Variants in SNX6 observed in about 807,000 individuals in gnomAD.
SNX6 encodes sorting nexin-6.
In SNX6, 34 loss-of-function variants were observed where a neutral mutation model predicts 63.0. The observed-to-expected ratio is 0.54, with a 90% confidence interval of 0.41 to 0.72. The LOEUF (loss-of-function observed/expected upper bound fraction) is 0.72, where lower values mean the gene tolerates loss of function less well. SNX6 is among the 30% of genes least tolerant of loss of function. SNX6 has a pLI of 0.00. For synonymous variants in SNX6, 170 were observed against 164.2 expected (o/e 1.04, Z -0.27); for missense variants, 398 against 471.4 (o/e 0.84, Z 1.44).
rs1418557180 is a variant in SNX6 at position 34,627,427 on chromosome 14, CT to C, written c.54+2479del. 3.2e-3 allele frequency among the ~76,000 whole-genome samples: 480 copies of C among 151,478 alleles called. 2 individuals carry two copies. The highest frequency in any genetic ancestry group is 0.011 in the African/African-American group (467 of 41,238). On this transcript the variant is annotated intron_variant, in intron 2 of 13. Coordinates refer to ENST00000362031, the MANE Select transcript of SNX6 (RefSeq NM_152233.4). ...GCACCACTGCAGTCGGGCCTTCGGC[CT>C]GGGCGAAAGAGCGAGACTCCGTTTC...
At chr14:34,616,510 C>T (rs528242514) in intron 2 of SNX6, among the ~76,000 whole-genome samples, 20 of 152,208 alleles carry the variant, frequency 1.3e-4, no homozygotes, top group Middle Eastern at 3.4e-3. Context: ...GCTGGGACTA[C>T]AGGCACACAT....
At chr14:34,613,910 C>A (rs1487233902) in intron 2 of SNX6, among the ~76,000 whole-genome samples, 2 of 151,874 alleles carry the variant, frequency 1.3e-5, no homozygotes, top group Non-Finnish European at 2.9e-5. Context: ...AGTTCAAGAC[C>A]AATGTGGCCA....
intron 8 of SNX6, among the ~76,000 whole-genome samples, chr14:34,587,658 G>T (rs1882229751): frequency 1.3e-5 from 2 of 151,548 alleles, no homozygotes; most frequent in Admixed American, 1.3e-4. Context: ...TGGAGACAGG[G>T]TCTCACTCTG....
chr14:34,607,493 C>T (rs1299456477), intron 4 of SNX6, among the ~76,000 whole-genome samples: 1 of 151,404 alleles, frequency 6.6e-6, no homozygotes. Flanking sequence ...GCCTGTAATC[C>T]CAGCGACTCA....
chr14:34,568,404 T>C (rs1566463110), intron 11 of SNX6, among the ~76,000 whole-genome samples: 1 of 151,886 alleles, frequency 6.6e-6, no homozygotes, highest in Non-Finnish European at 1.5e-5. Flanking sequence ...CTAATTTTTG[T>C]AGTTTTAGTA....
intron 7 of SNX6, 52 bp from the exon 8 acceptor site, chr14:34,593,202 T>C (rs1039667907): frequency 3.8e-6 from 4 of 1,049,214 alleles, no homozygotes; most frequent in Admixed American, 2.5e-5. Flanking sequence ...GCTTTAGTTT[T>C]ATATGTAAAT....
At chr14:34,612,529 G>C (rs1355379880) in intron 2 of SNX6, among the ~76,000 whole-genome samples, 1 of 151,946 alleles carries the variant, frequency 6.6e-6, no homozygotes, top group Non-Finnish European at 1.5e-5. Context: ...CGCCTCCCAT[G>C]TTCAAGTGAT....
chr14:34,569,217 A>G, intron 11 of SNX6: 1 of 618,966 alleles, frequency 1.6e-6, no homozygotes, highest in Non-Finnish European at 2.9e-6. Flanking sequence ...TGTACCACAT[A>G]ACTCACAATT....
rs1286686086 is a variant in SNX6, at chr14:34,575,810, G to A, written c.867C>T (p.Asp289=). 14 of 1,594,256 alleles carry A rather than the reference G, an allele frequency of 8.8e-6. No homozygotes were observed. The highest frequency in any genetic ancestry group is 1.2e-5 in the Non-Finnish European group (14 of 1,170,434). Residue 289 remains aspartate, a synonymous_variant, in exon 11 of 14, where the codon GAC becomes GAT. Transcript: ENST00000362031. ...ATTTTAAAAGATCAGAAAGTTTGAG[G>A]TCTTCATCAGCAGACACTCGTGCTT... ...KIEARVSADE[D]LKLSDLLKYY...
chr14:34,623,244 T>C (rs1883694943), intron 2 of SNX6, among the ~76,000 whole-genome samples: 2 of 151,962 alleles, frequency 1.3e-5, no homozygotes, highest in Admixed American at 1.3e-4. Flanking sequence ...AAATTCAAGT[T>C]GAATTTGAAG....
rs569807618 is a variant in SNX6, at chr14:34,586,192, C to T, written c.794+38G>A. 65 of 1,394,068 alleles carry T rather than the reference C, an allele frequency of 4.7e-5. No individual in the cohort carries two copies. The African/African-American group carries it at 6.7e-4, about 14-fold the overall frequency. The allele number at this position is 1,394,068 out of a possible 1,614,324, so 86.4% of individuals were successfully genotyped here. A position where few individuals can be genotyped will look rare whatever the true frequency, so the allele number is the denominator to read the frequency against. ...CTGGGATTACAGGCGTGAGCCACCG[C>T]GCCCAGCCTATTTCACGTTTTAAAT... On this transcript the variant is annotated intron_variant, in intron 9 of 13. Transcript: ENST00000362031.
At position 34,592,477 on chromosome 14, in the gene SNX6, G is replaced by A. The variant is rs536681376; in HGVS notation, c.718+568C>T. ...ACTGACTTGATTTGTATGTAATTAC[G>A]CAGCAGCAACTTTATCCATCATCGG... On this transcript the variant is annotated intron_variant, in intron 8 of 13. Transcript: ENST00000362031. Among the ~76,000 whole-genome samples, 3 of 152,258 alleles carry A rather than the reference G, an allele frequency of 2.0e-5. No homozygotes were observed. In the East Asian group the frequency reaches 5.8e-4, roughly 29 times the overall value.
intron 8 of SNX6, among the ~76,000 whole-genome samples, chr14:34,588,068 C>T (rs1382173194): frequency 6.6e-6 from 1 of 151,180 alleles, no homozygotes; most frequent in Admixed American, 6.6e-5. Context: ...AGTGCAGTGG[C>T]ACAATCTCAG....
intron 9 of SNX6, among the ~76,000 whole-genome samples, chr14:34,583,005 C>G (rs1331852629): frequency 6.6e-6 from 1 of 151,662 alleles, no homozygotes; most frequent in Admixed American, 6.6e-5. Context: ...ATTAAACTAC[C>G]CTTTAATAGT....
chr14:34,626,531 G>C (rs765297754), intron 2 of SNX6, among the ~76,000 whole-genome samples: 6 of 151,412 alleles, frequency 4.0e-5, no homozygotes, highest in Non-Finnish European at 5.9e-5. Context: ...GGGCACGGTC[G>C]CGCACTCCTG....
At chr14:34,596,079 G>A (rs926447456) in intron 7 of SNX6, among the ~76,000 whole-genome samples, 1 of 151,850 alleles carries the variant, frequency 6.6e-6, no homozygotes, top group Non-Finnish European at 1.5e-5. Context: ...AATTAGCTGG[G>A]CGTGATGGCG....
intron 2 of SNX6, among the ~76,000 whole-genome samples, chr14:34,625,630 G>A (rs948743420): frequency 3.3e-5 from 5 of 152,140 alleles, no homozygotes; most frequent in Non-Finnish European, 5.9e-5. Context: ...AGCTACTCAG[G>A]AGGCTGAGAC....
chr14:34,577,229 C>A (rs1247057273), intron 10 of SNX6, among the ~76,000 whole-genome samples: 1 of 151,886 alleles, frequency 6.6e-6, no homozygotes, highest in Non-Finnish European at 1.5e-5. Context: ...ATTACAGGTG[C>A]ACGTCACCAA....
intron 3 of SNX6, among the ~76,000 whole-genome samples, chr14:34,608,616 T>C (rs1296950242): frequency 1.3e-5 from 2 of 152,212 alleles, no homozygotes; most frequent in South Asian, 2.1e-4. Context: ...GCTTATTATA[T>C]TGTACTGCTA....
Sources: allele counts gnomAD v4.1 joint callset (sites outside exome capture counted in the v4.1 genomes callset), GRCh38; gene constraint gnomAD v4.1.1; transcripts MANE v1.5; gene names NCBI Gene and HGNC (gene_info 2026-07-23, HGNC 2026-07-21).